The following PPP1R15B variants were observed in gnomAD, a reference collection of about 807,000 sequenced individuals.
The protein encoded by PPP1R15B is protein phosphatase 1 regulatory subunit 15B.
PPP1R15B carries 31 observed loss-of-function variants against 53.9 expected under a neutral mutation model. The ratio of observed to expected loss-of-function variants is 0.58; its 90% CI spans 0.43 to 0.78. The LOEUF is 0.78. PPP1R15B is among the 30% of genes least tolerant of loss of function. PPP1R15B has a pLI of 0.00. For synonymous variants in PPP1R15B, 345 were observed against 329.1 expected, an observed-to-expected ratio of 1.05 and a Z score of -0.52; for missense variants, 928 against 849.6, an observed-to-expected ratio of 1.09 and a Z score of -1.15.
downstream of PPP1R15B, among the ~76,000 whole-genome samples, chr1:204,399,301 G>A (rs1165117105): frequency 2.6e-5 from 4 of 152,024 alleles, no homozygotes; most frequent in Admixed American, 6.6e-5. Flanking sequence ...GGTGGCTCAC[G>A]CCTATAATCC....
Position 204,404,425 on chromosome 1 carries a change from C to A in PPP1R15B, c.*1667G>T. ...GCGTGAACCCAGGAGGCGGAGGTTGCAGTGAGCCGAGATCGCGCCACTGCA... is the reference window on the plus strand; with the variant it reads ...GCGTGAACCCAGGAGGCGGAGGTTGAAGTGAGCCGAGATCGCGCCACTGCA... On this transcript the variant is annotated 3_prime_UTR_variant, in exon 2 of 2. Coordinates refer to ENST00000367188, the MANE Select transcript of PPP1R15B (RefSeq NM_032833.5). 4.8e-6 allele frequency: 3 copies of A among 623,038 alleles called. No homozygotes were observed. The highest frequency in any genetic ancestry group is 6.0e-6 in the Non-Finnish European group (3 of 499,570). 38.6% of individuals were successfully genotyped at this position (623,038 alleles called of 1,614,324 possible). A position where few individuals can be genotyped will look rare whatever the true frequency, so the allele number is the denominator to read the frequency against.
At position 204,410,950 on chromosome 1, in the gene PPP1R15B, T is replaced by TG; in HGVS notation, c.461dup (p.Asp155ArgfsTer7). The TG allele has an allele frequency of 6.2e-7, 1 of 1,614,122 alleles. No homozygotes were observed. Among genetic ancestry groups the TG allele is most frequent in the Non-Finnish European group, 8.5e-7 (1 of 1,180,004 alleles). ...TGGCCTTAAGCTCCAATTTTAGGTC[T>TG]GGGGGCGAGTATTGCCAGTGGATCC... On this transcript the variant is annotated frameshift_variant, in exon 1 of 2. Transcript: ENST00000367188. LOFTEE classifies it high-confidence loss of function.
In PPP1R15B at chr1:204,409,635, C is replaced by T. The variant is rs748003395; in HGVS notation, c.1777G>A (p.Glu593Lys). 1 of 1,614,144 alleles carries T rather than the reference C, an allele frequency of 6.2e-7. No individual in the cohort carries two copies. The highest frequency in any genetic ancestry group is 1.1e-5 in the South Asian group (1 of 91,072). Reference sequence around the variant, plus strand: ...CACTCAGAAATGGCCACAATGGACTCAGATGGGGTCTTTGAGTCACGACAG... The same window carrying T: ...CACTCAGAAATGGCCACAATGGACTTAGATGGGGTCTTTGAGTCACGACAG... The part of the protein sequence containing the change: ...KGCRDSKTPS[E>K]SIVAISECHT... The change falls in exon 1 of 2, where the codon GAG becomes AAG. Residue 593 changes from glutamate (E) to lysine (K), a missense_variant. Transcript: ENST00000367188.
In PPP1R15B at chr1:204,410,093, C is replaced by A; in HGVS notation, c.1319G>T (p.Ser440Ile). The change falls in exon 1 of 2, where the codon AGT becomes ATT. Residue 440 changes from serine (S) to isoleucine (I), a missense_variant. Physicochemically the swap from Ser to Ile is moderately radical, Grantham distance 142 (BLOSUM62 -2). Coordinates refer to ENST00000367188, the MANE Select transcript of PPP1R15B (RefSeq NM_032833.5). ...LGGASSDLET[S>I]SDPEGEDWDE... ...CCAATCCTCACCTTCTGGATCAGAA[C>A]TTGTTTCCAGGTCACTGGATGCACC... The A allele has an allele frequency of 6.2e-7, 1 of 1,614,190 alleles. No homozygotes were observed. Among genetic ancestry groups the A allele is most frequent in the Non-Finnish European group, 8.5e-7 (1 of 1,180,044 alleles).
chr1:204,406,245 T>C lies in PPP1R15B; in HGVS notation c.1989A>G (p.Glu663=), dbSNP rs1674262290. The C allele has an allele frequency of 6.2e-7, 1 of 1,614,072 alleles. No homozygotes were observed. Among genetic ancestry groups the C allele is most frequent in the African/African-American group, 1.3e-5 (1 of 74,932 alleles). The part of the protein sequence containing the change: ...SGDEDRKGPW[E]EFARDGCRFQ... ...ACCTGCATCCATCCCTTGCAAATTC[T>C]TCCCATGGTCCTTTGCGATCCTCAT... is the stretch of plus-strand genomic sequence containing the variant. Residue 663 remains glutamate, a synonymous_variant, in exon 2 of 2, where the codon GAA becomes GAG. Coordinates refer to ENST00000367188, the MANE Select transcript of PPP1R15B (RefSeq NM_032833.5).
In PPP1R15B at chr1:204,410,141, T is replaced by C. The variant is rs563533448; in HGVS notation, c.1271A>G (p.Lys424Arg). 2.5e-6 allele frequency: 4 copies of C among 1,613,874 alleles called. No individual in the cohort carries two copies. Among genetic ancestry groups the C allele is most frequent in the East Asian group, 2.2e-5 (1 of 44,892 alleles). Reference sequence around the variant, plus strand: ...ACCTCCCAAAATATAATCTATCAGTTTGTTACTACAAGCTGGTCTGGCAGA... The same window carrying C: ...ACCTCCCAAAATATAATCTATCAGTCTGTTACTACAAGCTGGTCTGGCAGA... ...PISARPACSNKLIDYILGGAS... is the reference protein window; with the variant it reads ...PISARPACSNRLIDYILGGAS... Residue 424 changes from lysine to arginine, a missense_variant, in exon 1 of 2, where the codon AAA (lysine) becomes AGA (arginine). Coordinates refer to ENST00000367188, the MANE Select transcript of PPP1R15B (RefSeq NM_032833.5).
downstream of PPP1R15B, among the ~76,000 whole-genome samples, chr1:204,400,057 G>T (rs1674150378): frequency 6.6e-6 from 1 of 151,924 alleles, no homozygotes; most frequent in Admixed American, 6.6e-5. Flanking sequence ...ACCAGCCCGG[G>T]CAACATAGTG....
rs1275897594 is a variant in PPP1R15B at position 204,403,682 on chromosome 1, TAAC to T, written c.*2407_*2409del. ...GCTACATTGACACTTAAAGCACCAT[TAAC>T]AAGACTTTAAATGTATAAAATGTTT... On this transcript the variant is annotated 3_prime_UTR_variant, in exon 2 of 2. Coordinates refer to ENST00000367188, the MANE Select transcript of PPP1R15B (RefSeq NM_032833.5). 1 of 984,572 alleles carries T rather than the reference TAAC, an allele frequency of 1.0e-6. No individual in the cohort carries two copies. Among genetic ancestry groups the T allele is most frequent in the African/African-American group, 1.7e-5 (1 of 57,230 alleles). 61.0% of individuals were successfully genotyped at this position (984,572 alleles called of 1,614,324 possible).
In PPP1R15B at chr1:204,410,905, A is replaced by C. The variant is rs1674359826; in HGVS notation, c.507T>G (p.Pro169=). Residue 169 remains proline (P), a synonymous_variant, in exon 1 of 2, where the codon CCT becomes CCG. Transcript: ENST00000367188. ...ELKAKGSALD[P]AAQAFLLEQQ... ...GCTCTAAGAGAAAAGCCTGTGCTGC[A>C]GGGTCCAAAGCACTTCCCTTGGCCT... The C allele has an allele frequency of 6.2e-7, 1 of 1,613,962 alleles. No individual in the cohort carries two copies. The highest frequency in any genetic ancestry group is 8.5e-7 in the Non-Finnish European group (1 of 1,180,004).
chr1:204,407,182 A>C (rs1674280639), intron 1 of PPP1R15B, among the ~76,000 whole-genome samples: 1 of 152,176 alleles, frequency 6.6e-6, no homozygotes, highest in African/African-American at 2.4e-5. Context: ...CCAACTTTTA[A>C]ATCAACATGT....
chr1:204,410,306 G>A lies in PPP1R15B; in HGVS notation c.1106C>T (p.Thr369Ile). 6.2e-7 allele frequency: 1 copy of A among 1,614,140 alleles called. No individual in the cohort carries two copies. The highest frequency in any genetic ancestry group is 8.5e-7 in the Non-Finnish European group (1 of 1,180,034). Reference protein sequence around the residue: ...ESTEEKIELLTTEVPLALEEE... With the variant: ...ESTEEKIELLITEVPLALEEE... ...TTCCAAAGCAAGTGGAACCTCTGTAGTTAATAATTCTATTTTTTCTTCAGT... is the reference window on the plus strand; with the variant it reads ...TTCCAAAGCAAGTGGAACCTCTGTAATTAATAATTCTATTTTTTCTTCAGT... The change falls in exon 1 of 2, where the codon ACT becomes ATT. Residue 369 changes from threonine (T) to isoleucine (I), a missense_variant. Thr to Ile is a moderately conservative substitution (Grantham distance 89, BLOSUM62 -1). Transcript: ENST00000367188.
Position 204,411,617 on chromosome 1 carries a change from T to C in PPP1R15B, c.-206A>G, listed in dbSNP as rs576281698. On this transcript the variant is annotated 5_prime_UTR_variant, in exon 1 of 2. Transcript: ENST00000367188. ...ACACAGGGAAGAACAGCCCGCGCAATAGGCGGCGACTGATGCGACTTCCAT... is the reference window on the plus strand; with the variant it reads ...ACACAGGGAAGAACAGCCCGCGCAACAGGCGGCGACTGATGCGACTTCCAT... The C allele has an allele frequency of 8.3e-5, 54 of 649,222 alleles. No homozygotes were observed. Among genetic ancestry groups the C allele is most frequent in the South Asian group, 7.5e-4 (38 of 50,952 alleles). The allele number at this position is 649,222 out of a possible 1,614,324, so 40.2% of individuals were successfully genotyped here.
chr1:204,399,051 G>A (rs1007608220), downstream of PPP1R15B, among the ~76,000 whole-genome samples: 1 of 152,208 alleles, frequency 6.6e-6, no homozygotes, highest in Non-Finnish European at 1.5e-5. Context: ...ATCATCTGAT[G>A]ATTGTGGCAC....
downstream of PPP1R15B, among the ~76,000 whole-genome samples, chr1:204,398,378 G>A (rs1260514505): frequency 1.3e-5 from 2 of 152,152 alleles, no homozygotes; most frequent in African/African-American, 2.4e-5. Context: ...CTACTTGGGA[G>A]GCTGAGGTGG....
Position 204,403,426 on chromosome 1 carries a change from AGTT to A in PPP1R15B, c.*2663_*2665del. On this transcript the variant is annotated 3_prime_UTR_variant, in exon 2 of 2. Coordinates refer to ENST00000367188, the MANE Select transcript of PPP1R15B (RefSeq NM_032833.5). The stretch of plus-strand genomic sequence containing the variant: ...ATATATTTATTACAATTTACAGATT[AGTT>A]ATGTTATATACACAAATATAATTTT... 3 of 737,492 alleles carry A rather than the reference AGTT, an allele frequency of 4.1e-6. No homozygotes were observed. The highest frequency in any genetic ancestry group is 5.0e-6 in the Non-Finnish European group (3 of 603,894). The allele number at this position is 737,492 out of a possible 1,614,324, so 45.7% of individuals were successfully genotyped here.
downstream of PPP1R15B, chr1:204,400,850 A>G (rs1674168724): frequency 5.6e-6 from 2 of 359,342 alleles, no homozygotes; most frequent in Non-Finnish European, 7.8e-6. Context: ...AACATAAAGG[A>G]TATTACTGAG....
chr1:204,402,828 C>A (rs2103441337), downstream of PPP1R15B, among the ~76,000 whole-genome samples: 1 of 152,076 alleles, frequency 6.6e-6, no homozygotes, highest in East Asian at 1.9e-4. Context: ...AATCCCAGCA[C>A]TTTGGGAGGC....
At position 204,406,003 on chromosome 1, in the gene PPP1R15B, T is replaced by A. The variant is rs1267091118; in HGVS notation, c.*89A>T. The stretch of plus-strand genomic sequence containing the variant: ...GTTACATTTCCTCTAAAAAAAAAAA[T>A]GTCAAAGGACAGCTGCCAAGATTTG... On this transcript the variant is annotated 3_prime_UTR_variant, in exon 2 of 2. Coordinates refer to ENST00000367188, the MANE Select transcript of PPP1R15B (RefSeq NM_032833.5). 1.4e-5 allele frequency: 21 copies of A among 1,488,404 alleles called. No homozygotes were observed. The highest frequency in any genetic ancestry group is 1.1e-4 in the African/African-American group (8 of 70,072). 92.2% of individuals were successfully genotyped at this position (1,488,404 alleles called of 1,614,324 possible).
chr1:204,399,809 G>A (rs1197230658), downstream of PPP1R15B, among the ~76,000 whole-genome samples: 1 of 152,144 alleles, frequency 6.6e-6, no homozygotes, highest in Non-Finnish European at 1.5e-5. Flanking sequence ...GCTCTTTGAG[G>A]TGATTATTTG....
Sources: gnomAD v4.1 joint callset for allele counts (sites outside exome capture counted in the v4.1 genomes callset) on GRCh38, gnomAD v4.1.1 for gene constraint, MANE v1.5 for transcripts, NCBI Gene and HGNC (gene_info 2026-07-23, HGNC 2026-07-21) for gene names.